Variants in AMER1 observed in about 807,000 individuals in gnomAD.
The protein encoded by AMER1 is APC membrane recruitment protein 1.
A neutral mutation model predicts 53.0 loss-of-function variants in AMER1; 16 were observed. That is an observed-to-expected ratio of 0.30 (90% CI 0.20 to 0.46). The LOEUF is 0.46. Among genes scored for constraint, AMER1 ranks in the 20% least tolerant of loss-of-function variants. The pLI is 1.00. For missense variants in AMER1, 947 were observed against 884.9 expected, an observed-to-expected ratio of 1.07 and a Z score of -0.89; for synonymous variants, 354 against 331.9, an observed-to-expected ratio of 1.07 and a Z score of -0.73.
chrX:64,193,171 C>A lies in AMER1; in HGVS notation c.116G>T (p.Gly39Val), dbSNP rs199995488. ...AKNKAAEATE[G>V]PTSEPSSSGP... ...GGATGAGGATGGCTCTGAGGTTGGT[C>A]CTTCTGTCGCCTCAGCTGCCTTGTT... The change falls in exon 2 of 2, where the codon GGA (glycine) becomes GTA (valine). Residue 39 changes from glycine (G) to valine (V), a missense_variant. By Grantham distance (109) the Gly-to-Val change is moderately radical. Transcript: ENST00000374869. 1.0e-4 allele frequency: 123 copies of A among 1,210,118 alleles called. No homozygotes were observed. Among genetic ancestry groups the A allele is most frequent in the Non-Finnish European group, 1.3e-4 (118 of 895,242 alleles).
At position 64,187,839 on chromosome X, in the gene AMER1, G is replaced by C; in HGVS notation, c.*2040C>G. 7.7e-6 allele frequency: 6 copies of C among 777,016 alleles called. No homozygotes were observed. Among genetic ancestry groups the C allele is most frequent in the Non-Finnish European group, 9.2e-6 (6 of 652,684 alleles). 64.0% of individuals were successfully genotyped at this position (777,016 alleles called of 1,213,427 possible). A position where few individuals can be genotyped will look rare whatever the true frequency, so the allele number is the denominator to read the frequency against. On this transcript the variant is annotated 3_prime_UTR_variant, in exon 2 of 2. Coordinates refer to ENST00000374869, the MANE Select transcript of AMER1 (RefSeq NM_152424.4). ...GGAATGCTGTGCTTGGGGTAAGGAG[G>C]GCCTTCCTCACCCTCTTTCATTCTC...
chrX:64,196,236 C>T (rs1401671925), intron 1 of AMER1, among the ~76,000 whole-genome samples: 1 of 111,680 alleles, frequency 9.0e-6, no homozygotes, highest in Non-Finnish European at 1.9e-5. Context: ...CCATGTCAGC[C>T]TCCCATCTGC....
At position 64,191,057 on chromosome X, in the gene AMER1, C is replaced by T. The variant is rs2147086532; in HGVS notation, c.2230G>A (p.Ala744Thr). Residue 744 changes from alanine to threonine, a missense_variant, in exon 2 of 2, where the codon GCC (alanine) becomes ACC (threonine). Coordinates refer to ENST00000374869, the MANE Select transcript of AMER1 (RefSeq NM_152424.4). ...TCAGGGGGTGAATAAGTAGGGTAGGCCCTCCTGGGAGATCCTCCAAAATTT... is the reference window on the plus strand; with the variant it reads ...TCAGGGGGTGAATAAGTAGGGTAGGTCCTCCTGGGAGATCCTCCAAAATTT... ...EANFGGSPRR[A>T]YPTYSPPEDP... is the part of the protein sequence containing the mutation. The T allele has an allele frequency of 8.3e-7, 1 of 1,211,949 alleles. No homozygotes were observed. The highest frequency in any genetic ancestry group is 1.1e-6 in the Non-Finnish European group (1 of 895,555).
rs2147085253 is a variant in AMER1, at chrX:64,190,475, C to G, written c.2812G>C (p.Gly938Arg). 1 of 1,211,989 alleles carries G rather than the reference C, an allele frequency of 8.3e-7. No individual in the cohort carries two copies. Among genetic ancestry groups the G allele is most frequent in the Non-Finnish European group, 1.1e-6 (1 of 895,565 alleles). ...AGGGGACTGTCTCGGCTCCATTCTC[C>G]TTCTTCCTCCTCTTCGTCCTCCTCA... ...SDEEDEEEEE[G>R]EWSRDSPLSL... Residue 938 changes from glycine (G) to arginine (R), a missense_variant, in exon 2 of 2, where the codon GGA (glycine) becomes CGA (arginine). Transcript: ENST00000374869.
chrX:64,193,440 C>T (rs1436801445), intron 1 of AMER1, 56 bp from the exon 2 acceptor site: 1 of 865,637 alleles, frequency 1.2e-6, no homozygotes, highest in Non-Finnish European at 1.6e-6. Flanking sequence ...AGCAAGCATC[C>T]AGGCTGGGTT....
intron 1 of AMER1, among the ~76,000 whole-genome samples, chrX:64,201,493 G>A (rs1307711413): frequency 1.1e-5 from 1 of 92,047 alleles, no homozygotes; most frequent in Non-Finnish European, 2.0e-5. Context: ...ACACACACAA[G>A]GTTTAACTAT....
chrX:64,188,407 A>C lies in AMER1; in HGVS notation c.*1472T>G. On this transcript the variant is annotated 3_prime_UTR_variant, in exon 2 of 2. Coordinates refer to ENST00000374869, the MANE Select transcript of AMER1 (RefSeq NM_152424.4). Reference sequence around the variant, plus strand: ...TCCTGACAGCAAGCTCTTCCCCACCAGTATTTCCAACCTAGTTTAACATGA... The same window carrying C: ...TCCTGACAGCAAGCTCTTCCCCACCCGTATTTCCAACCTAGTTTAACATGA... The C allele has an allele frequency of 1.2e-6, 1 of 805,063 alleles. No homozygotes were observed. Among genetic ancestry groups the C allele is most frequent in the Non-Finnish European group, 1.5e-6 (1 of 670,351 alleles). The allele number at this position is 805,063 out of a possible 1,213,427, so 66.3% of individuals were successfully genotyped here.
chrX:64,205,317 G>C (rs1602074162), intron 1 of AMER1, among the ~76,000 whole-genome samples: 1 of 106,486 alleles, frequency 9.4e-6, no homozygotes, highest in South Asian at 4.3e-4. Context: ...CTTGGCCCAG[G>C]CTAGCCTGCC....
intron 1 of AMER1, among the ~76,000 whole-genome samples, chrX:64,203,874 G>A (rs2147095718): frequency 9.0e-6 from 1 of 111,571 alleles, no homozygotes; most frequent in Non-Finnish European, 1.9e-5. Context: ...TAATCAAGGT[G>A]GGAGGAGGTG....
rs1460907294 is a variant in AMER1 at position 64,201,903 on chromosome X, C to G, written c.-99+3667G>C. 3.6e-5 allele frequency among the ~76,000 whole-genome samples: 4 copies of G among 112,522 alleles called. No homozygotes were observed. In the East Asian group the frequency reaches 1.1e-3, roughly 32 times the overall value. On this transcript the variant is annotated intron_variant, in intron 1 of 1. Coordinates refer to ENST00000374869, the MANE Select transcript of AMER1 (RefSeq NM_152424.4). ...CCAGCCTGGAGTGCAGTGGCATGATCATGGCTCACTGCAGCCTTGATGTCT... is the reference window on the plus strand; with the variant it reads ...CCAGCCTGGAGTGCAGTGGCATGATGATGGCTCACTGCAGCCTTGATGTCT...
At chrX:64,198,160 G>C (rs1930415081) in intron 1 of AMER1, among the ~76,000 whole-genome samples, 1 of 111,717 alleles carries the variant, frequency 9.0e-6, no homozygotes, top group Non-Finnish European at 1.9e-5. Context: ...GCCAACTTTT[G>C]ATATTCAGGG....
intron 1 of AMER1, among the ~76,000 whole-genome samples, chrX:64,204,976 G>A (rs1317292944): frequency 8.8e-6 from 1 of 113,248 alleles, no homozygotes; most frequent in Non-Finnish European, 1.9e-5. Flanking sequence ...AGGCCCAACT[G>A]AGCTCCTCTG....
chrX:64,203,718 G>C (rs755487828), intron 1 of AMER1, among the ~76,000 whole-genome samples: 1 of 111,596 alleles, frequency 9.0e-6, no homozygotes, highest in South Asian at 3.8e-4. Context: ...GATTTGGACA[G>C]GTGTAGGCTG....
At chrX:64,203,635 T>A (rs900426560) in intron 1 of AMER1, among the ~76,000 whole-genome samples, 1 of 111,333 alleles carries the variant, frequency 9.0e-6, no homozygotes, top group Non-Finnish European at 1.9e-5. Context: ...GAAGTCACCA[T>A]GGGTGGGCAA....
In AMER1 at chrX:64,191,395, C is replaced by A. The variant is rs773684332; in HGVS notation, c.1892G>T (p.Arg631Leu). Reference sequence around the variant, plus strand: ...TTGAGTCTCTCTACAACGAACCTCTCGGGCCTGGGCTTCTCGGGTTCTGGC... The same window carrying A: ...TTGAGTCTCTCTACAACGAACCTCTAGGGCCTGGGCTTCTCGGGTTCTGGC... ...REARTREAQA[R>L]EVRCRETQVR... The change falls in exon 2 of 2, where the codon CGA becomes CTA. Residue 631 changes from arginine (R) to leucine (L), a missense_variant. Transcript: ENST00000374869. 1 of 1,211,845 alleles carries A rather than the reference C, an allele frequency of 8.3e-7. No individual in the cohort carries two copies. Among genetic ancestry groups the A allele is most frequent in the Non-Finnish European group, 1.1e-6 (1 of 895,480 alleles).
Position 64,187,197 on chromosome X carries a change from G to C in AMER1, c.*2682C>G. 5.1e-6 allele frequency: 4 copies of C among 787,118 alleles called. No homozygotes were observed. The highest frequency in any genetic ancestry group is 6.1e-6 in the Non-Finnish European group (4 of 658,955). 64.9% of individuals were successfully genotyped at this position (787,118 alleles called of 1,213,427 possible). ...GTCAACACCATGGGTCCCCAGACAGGTCTTCCTTCCTCCCCTAGGCTGCCA... is the reference window on the plus strand; with the variant it reads ...GTCAACACCATGGGTCCCCAGACAGCTCTTCCTTCCTCCCCTAGGCTGCCA... On this transcript the variant is annotated 3_prime_UTR_variant, in exon 2 of 2. Transcript: ENST00000374869.
At chrX:64,200,005 G>T (rs1351291931) in intron 1 of AMER1, among the ~76,000 whole-genome samples, 1 of 112,552 alleles carries the variant, frequency 8.9e-6, no homozygotes, top group East Asian at 2.8e-4. Flanking sequence ...GGGCTTTCCT[G>T]GTGAGTCTTC....
chrX:64,186,716 G>A lies in AMER1; in HGVS notation c.*3163C>T, dbSNP rs1930119359. On this transcript the variant is annotated 3_prime_UTR_variant, in exon 2 of 2. Coordinates refer to ENST00000374869, the MANE Select transcript of AMER1 (RefSeq NM_152424.4). ...ATTATCCGGGCAGTCTTGTGGCCTG[G>A]TACCCAAGCTGAGGCCAGATAGGTA... 1.3e-6 allele frequency: 1 copy of A among 776,012 alleles called. No homozygotes were observed. Among genetic ancestry groups the A allele is most frequent in the South Asian group, 6.7e-5 (1 of 14,999 alleles). The allele number at this position is 776,012 out of a possible 1,213,427, so 64.0% of individuals were successfully genotyped here.
Position 64,190,556 on chromosome X carries a change from A to T in AMER1, c.2731T>A (p.Leu911Met), listed in dbSNP as rs2147085433. 8.3e-7 allele frequency: 1 copy of T among 1,211,687 alleles called. No homozygotes were observed. Among genetic ancestry groups the T allele is most frequent in the Non-Finnish European group, 1.1e-6 (1 of 895,399 alleles). The change falls in exon 2 of 2, where the codon TTG becomes ATG. Residue 911 changes from leucine to methionine, a missense_variant. By Grantham distance (15) the Leu-to-Met change is conservative (BLOSUM62 2). Transcript: ENST00000374869. ...TCAGACTCGAGGTAGCCCTGGACCA[A>T]GTGGGAATTGGAGAGCTCCATCTCC... is the stretch of plus-strand genomic sequence containing the variant. The part of the protein sequence containing the change: ...TLEMELSNSH[L>M]VQGYLESDEL...
Sources: gnomAD v4.1 joint callset for allele counts (sites outside exome capture counted in the v4.1 genomes callset) on GRCh38, gnomAD v4.1.1 for gene constraint, MANE v1.5 for transcripts, NCBI Gene and HGNC (gene_info 2026-07-23, HGNC 2026-07-21) for gene names.